Variants in ALDH3B2 observed in about 807,000 individuals in gnomAD.
ALDH3B2 encodes aldehyde dehydrogenase 3 family member B2, also known as aldehyde dehydrogenase family 3 member B2.
Under a neutral mutation model 36.7 loss-of-function variants are expected in ALDH3B2, and 45 were observed. That is an observed-to-expected ratio of 1.23 (90% CI 0.97 to 1.57). The LOEUF (loss-of-function observed/expected upper bound fraction) is 1.57. Among genes scored for constraint, ALDH3B2 ranks in the 40% most tolerant of loss-of-function variants. The probability of loss-of-function intolerance (pLI) is 0.00; values close to 1 mark genes in which losing one functional copy is unlikely to be tolerated. For missense variants in ALDH3B2, 464 were observed against 513.3 expected (o/e 0.90, Z 0.93); for synonymous variants, 217 against 226.5 (o/e 0.96, Z 0.38).
At chr11:67,671,884 G>T (rs1268831181) in intron 1 of ALDH3B2, among the ~76,000 whole-genome samples, 1 of 150,020 alleles carries the variant, frequency 6.7e-6, no homozygotes, top group Non-Finnish European at 1.5e-5. Context: ...TGCCCACCGA[G>T]ATAGATGCAC....
chr11:67,662,701 G>T (rs575303570), exon 10 of ALDH3B2: 13 of 174,524 alleles, frequency 7.4e-5, no homozygotes, highest in Non-Finnish European at 1.5e-4. Flanking sequence ...TGCAGGGTGC[G>T]GTGTGAACCA....
chr11:67,680,546 A>C (rs372694307), intron 1 of ALDH3B2, among the ~76,000 whole-genome samples: 1 of 151,970 alleles, frequency 6.6e-6, no homozygotes, highest in Non-Finnish European at 1.5e-5. Flanking sequence ...CCTCCTGAGT[A>C]GCTGGGACTA....
In ALDH3B2 at chr11:67,665,612, T is replaced by A. The variant is rs779166667; in HGVS notation, c.379A>T (p.Thr127Ser). ...GGGTTCTTGCCCCCCAGCTCCAGGGTGACAGGCGTCAGGTGCTTGGTGGCA... is the reference window on the plus strand; with the variant it reads ...GGGTTCTTGCCCCCCAGCTCCAGGGAGACAGGCGTCAGGTGCTTGGTGGCA... Residue 127 changes from threonine to serine, a missense_variant, in exon 7 of 10, where the codon ACC becomes TCC. Physicochemically the swap from Thr to Ser is moderately conservative, Grantham distance 58. Transcript: ENST00000349015. 5 of 1,613,738 alleles carry A rather than the reference T, an allele frequency of 3.1e-6. No individual in the cohort carries two copies. In the Admixed American group the frequency reaches 8.3e-5, roughly 27 times the overall value.
At chr11:67,666,390 C>T in exon 5 of ALDH3B2, 1 of 1,606,610 alleles carries the variant, frequency 6.2e-7, no homozygotes, top group Non-Finnish European at 8.5e-7. Flanking sequence ...GGCTTCAGCA[C>T]CACGCAACTC....
exon 5 of ALDH3B2, chr11:67,666,324 G>A: frequency 2.5e-6 from 4 of 1,607,646 alleles, no homozygotes; most frequent in Non-Finnish European, 3.4e-6. Context: ...ACCTGGTCCA[G>A]GTACTGGGGC....
rs3825021 is a variant in ALDH3B2, at chr11:67,667,465, C to T, written c.-82+8G>A. The T allele has an allele frequency of 0.46, 172,848 of 377,808 alleles. 43,765 individuals carry two copies. The highest frequency in any genetic ancestry group is 0.63 in the East Asian group (14,285 of 22,798). The allele number at this position is 377,808 out of a possible 1,614,324, so 23.4% of individuals were successfully genotyped here. On this transcript the variant is annotated splice_region_variant and intron_variant, in intron 2 of 9. Coordinates refer to ENST00000349015, the Ensembl canonical transcript of ALDH3B2. ...AGCCCCTGCCGGGGCCCACTCTCCA[C>T]GGCCCACCTTATGCAGGTCCTGGGC...
intron 1 of ALDH3B2, among the ~76,000 whole-genome samples, chr11:67,670,424 C>T (rs1246323801): frequency 2.6e-5 from 4 of 152,046 alleles, no homozygotes; most frequent in East Asian, 1.9e-4. Context: ...GTCACAGGGC[C>T]GTGCCCAGGG....
chr11:67,662,695 G>T, exon 10 of ALDH3B2: 1 of 171,166 alleles, frequency 5.8e-6, no homozygotes, highest in Non-Finnish European at 1.3e-5. Context: ...GGTGAGTGCA[G>T]GGTGCGGTGT....
At chr11:67,663,704 A>G in exon 9 of ALDH3B2, 1 of 1,613,128 alleles carries the variant, frequency 6.2e-7, no homozygotes, top group Non-Finnish European at 8.5e-7. Context: ...ATGTAGGTGA[A>G]GCCCTCATTG....
At chr11:67,666,192 G>C (rs764515686) in exon 6 of ALDH3B2, 7 of 1,613,970 alleles carry the variant, frequency 4.3e-6, no homozygotes, top group Non-Finnish European at 5.9e-6. Context: ...CCAGCACCAC[G>C]GCAAAGCAGC....
chr11:67,666,377 G>A, exon 5 of ALDH3B2: 1 of 1,605,926 alleles, frequency 6.2e-7, no homozygotes, highest in Non-Finnish European at 8.5e-7. Context: ...GCTGATTTCT[G>A]ACGGCTTCAG....
intron 1 of ALDH3B2, among the ~76,000 whole-genome samples, chr11:67,669,360 G>C (rs565808325): frequency 6.6e-6 from 1 of 151,184 alleles, no homozygotes; most frequent in East Asian, 1.9e-4. Context: ...ATGGGTGTCT[G>C]TGTGTCTGTG....
At chr11:67,674,864 C>T (rs1856230655), upstream of ALDH3B2, 1 of 152,208 alleles carries the variant, frequency 6.6e-6, no homozygotes, top group African/African-American at 2.4e-5. Context: ...GTTACCTGAT[C>T]AGGAAAAAAG....
chr11:67,665,765 G>T, intron 6 of ALDH3B2, 94 bp from the exon 7 acceptor site: 1 of 1,504,722 alleles, frequency 6.6e-7, no homozygotes, highest in Non-Finnish European at 8.9e-7. Flanking sequence ...AGAGGTGTTG[G>T]AGTCGGCGGG....
chr11:67,680,876 C>A (rs1856356284), intron 1 of ALDH3B2, among the ~76,000 whole-genome samples: 1 of 152,218 alleles, frequency 6.6e-6, no homozygotes, highest in Non-Finnish European at 1.5e-5. Flanking sequence ...TGAAACTATA[C>A]AAGCACCCTC....
chr11:67,672,300 T>A (rs2134154800), intron 1 of ALDH3B2, among the ~76,000 whole-genome samples: 2 of 149,846 alleles, frequency 1.3e-5, no homozygotes, highest in East Asian at 4.0e-4. Flanking sequence ...GGATTATAGG[T>A]GCCTGCCACC....
intron 7 of ALDH3B2, 28 bp from the exon 8 acceptor site, chr11:67,664,590 TG>T (rs1200959450): frequency 6.2e-7 from 1 of 1,610,392 alleles, no homozygotes; most frequent in Non-Finnish European, 8.5e-7. Flanking sequence ...GGCTCAGCCC[TG>T]GGGCCACAGT....
chr11:67,677,821 A>G (rs1231482605), upstream of ALDH3B2, among the ~76,000 whole-genome samples: 3 of 152,240 alleles, frequency 2.0e-5, 1 homozygote, highest in East Asian at 5.8e-4. Flanking sequence ...GACCAAGCAG[A>G]GAATCAAATC....
exon 7 of ALDH3B2, chr11:67,665,301 C>T (rs760108228): frequency 8.7e-6 from 14 of 1,609,398 alleles, no homozygotes; most frequent in African/African-American, 1.3e-5. Context: ...AGCGATCGCT[C>T]TCGTTGCTCT....
Sources: allele counts gnomAD v4.1 joint callset (sites outside exome capture counted in the v4.1 genomes callset), GRCh38; gene constraint gnomAD v4.1.1; transcripts MANE v1.5; gene names NCBI Gene and HGNC (gene_info 2026-07-23, HGNC 2026-07-21).